TTC34: variants seen among roughly 807,000 people sequenced by gnomAD.
The protein encoded by TTC34 is tetratricopeptide repeat domain 34, also known as tetratricopeptide repeat protein 34.
In TTC34, 44 loss-of-function variants were observed where a neutral mutation model predicts 40.7. That is an observed-to-expected ratio of 1.08 (90% CI 0.85 to 1.39). The LOEUF (loss-of-function observed/expected upper bound fraction) is 1.39, where lower values mean the gene tolerates loss of function less well. Ranked by LOEUF, TTC34 falls within the 40% of genes most tolerant of loss-of-function variation. The pLI, the probability that TTC34 is intolerant of heterozygous loss-of-function variation, is 0.00. For missense variants in TTC34, 884 were observed against 838.0 expected (o/e 1.05, Z -0.68); for synonymous variants, 422 against 398.6 (o/e 1.06, Z -0.70).
chr1:2,776,155 C>A (rs1449753948), intron 6 of TTC34: 2 of 133,682 alleles, frequency 1.5e-5, no homozygotes, highest in African/African-American at 3.3e-5. Context: ...CCTGGAACAG[C>A]ACCCCACAAC....
At position 2,645,553 on chromosome 1, in the gene TTC34, T is replaced by A; in HGVS notation, c.2237A>T (p.Asp746Val). Residue 746 changes from aspartate (D) to valine (V), a missense_variant, in exon 7 of 9, where the codon GAC becomes GTC. Transcript: ENST00000401095. The surrounding 1 kb of genome is among the most constrained non-coding windows in gnomAD (Gnocchi z 4.7). The stretch of plus-strand genomic sequence containing the variant: ...GAGCTTCAGAGCAGAGACGATGTCG[T>A]CCACGGCTTCCTGCAAGGAGGGAGG... 2 of 314,054 alleles carry A rather than the reference T, an allele frequency of 6.4e-6. No individual in the cohort carries two copies. Among genetic ancestry groups the A allele is most frequent in the Non-Finnish European group, 9.4e-6 (2 of 213,398 alleles). The allele number at this position is 314,054 out of a possible 1,614,324, so 19.5% of individuals were successfully genotyped here.
chr1:2,683,523 G>C lies in TTC34; in HGVS notation c.2227-37960C>G, dbSNP rs543538100. 4.7e-5 allele frequency among the ~76,000 whole-genome samples: 7 copies of C among 149,560 alleles called. No individual in the cohort carries two copies. The East Asian group carries it at 1.2e-3, about 25-fold the overall frequency. On this transcript the variant is annotated intron_variant, in intron 6 of 8. Coordinates refer to ENST00000401095, the Ensembl canonical transcript of TTC34. ...GAACGGCACCCACACCACCAGGTGA[G>C]CATCTGATGGTCTGGAGCAGCACCC...
At chr1:2,650,722 G>A (rs1034328145) in intron 6 of TTC34, among the ~76,000 whole-genome samples, 1 of 146,310 alleles carries the variant, frequency 6.8e-6, no homozygotes, top group Admixed American at 6.8e-5. Flanking sequence ...ATGAGACTCT[G>A]ACAACGTAGA....
At chr1:2,757,637 G>T (rs1641550243) in intron 6 of TTC34, among the ~76,000 whole-genome samples, 5 of 146,780 alleles carry the variant, frequency 3.4e-5, no homozygotes, top group Middle Eastern at 3.4e-3. Flanking sequence ...ACACCCCCAG[G>T]TGAGCATCCG....
At chr1:2,749,314 A>C (rs1172291424) in intron 6 of TTC34, among the ~76,000 whole-genome samples, 8 of 43,388 alleles carry the variant, frequency 1.8e-4, no homozygotes, top group South Asian at 1.2e-3. Flanking sequence ...TCTGGAACAG[A>C]ACCCACACCC....
intron 6 of TTC34, among the ~76,000 whole-genome samples, chr1:2,660,810 C>A (rs1277050885): frequency 1.1e-5 from 1 of 90,416 alleles, no homozygotes. Flanking sequence ...GAGCATCTGA[C>A]AGCCTGGAAC....
At chr1:2,778,621 G>GT (rs1380651485) in intron 6 of TTC34, among the ~76,000 whole-genome samples, 3 of 152,236 alleles carry the variant, frequency 2.0e-5, no homozygotes, top group African/African-American at 7.2e-5. Context: ...TGGGAGCTCT[G>GT]TGGGGGGAGA....
At chr1:2,671,761 G>A (rs1639708918) in intron 6 of TTC34, among the ~76,000 whole-genome samples, 1 of 147,768 alleles carries the variant, frequency 6.8e-6, no homozygotes, top group Non-Finnish European at 1.5e-5. Flanking sequence ...CCCAAGGTGA[G>A]CATCTGACAA....
chr1:2,687,020 G>GA (rs1353218622), intron 6 of TTC34, among the ~76,000 whole-genome samples: 14 of 149,470 alleles, frequency 9.4e-5, no homozygotes, highest in Non-Finnish European at 7.4e-5. Context: ...GTGAGCATTC[G>GA]ACAGCCTGGA....
In TTC34 at chr1:2,645,426, C is replaced by G; in HGVS notation, c.2364G>C (p.Gln788His). 1 of 1,535,844 alleles carries G rather than the reference C, an allele frequency of 6.5e-7. No individual in the cohort carries two copies. The highest frequency in any genetic ancestry group is 8.7e-7 in the Non-Finnish European group (1 of 1,146,756). Residue 788 changes from glutamine to histidine, a missense_variant, in exon 7 of 9, where the codon CAG becomes CAC. By Grantham distance (24) the Gln-to-His change is conservative. Coordinates refer to ENST00000401095, the Ensembl canonical transcript of TTC34. The surrounding 1 kb of genome is among the most constrained non-coding windows in gnomAD (Gnocchi z 4.7). ...CGAGAGGGGCCCCAGTGTCTGGCAG[C>G]TGGCTCAGAAGGGCCCGGCAGTGGG... is the stretch of plus-strand genomic sequence containing the variant.
chr1:2,645,518 T>C lies in TTC34; in HGVS notation c.2272A>G (p.Thr758Ala). ...AGAGAGCGGAGCTCAGGGACCACAG[T>C]CCCGGGGCCGAGCTTCAGAGCAGAG... The change falls in exon 7 of 9, where the codon ACT becomes GCT. Residue 758 changes from threonine (T) to alanine (A), a missense_variant. Physicochemically the swap from Thr to Ala is moderately conservative, Grantham distance 58 (BLOSUM62 0). Transcript: ENST00000401095. The surrounding 1 kb of genome is among the most constrained non-coding windows in gnomAD (Gnocchi z 4.7). The C allele has an allele frequency of 8.1e-7, 1 of 1,234,092 alleles. No homozygotes were observed. The highest frequency in any genetic ancestry group is 1.0e-6 in the Non-Finnish European group (1 of 967,518). The allele number at this position is 1,234,092 out of a possible 1,614,324, so 76.4% of individuals were successfully genotyped here.
At chr1:2,692,737 ACCCTGCACCC>A (rs1640684598) in intron 6 of TTC34, among the ~76,000 whole-genome samples, 13 of 86,698 alleles carry the variant, frequency 1.5e-4, no homozygotes, top group South Asian at 4.5e-4. Flanking sequence ...CTGGAACAGC[ACCCTGCACCC>A]CCAGGTGAGC....
chr1:2,651,961 C>A (rs1362540264), intron 6 of TTC34, among the ~76,000 whole-genome samples: 2 of 151,488 alleles, frequency 1.3e-5, no homozygotes, highest in Admixed American at 1.3e-4. Context: ...CAGCACCTTC[C>A]ACCTCTAAGT....
At chr1:2,683,271 C>A (rs1398705559) in intron 6 of TTC34, among the ~76,000 whole-genome samples, 1 of 150,778 alleles carries the variant, frequency 6.6e-6, no homozygotes, top group South Asian at 2.1e-4. Context: ...GCACCCACAC[C>A]CACAGGTGAG....
rs539053826 is a variant in TTC34, at chr1:2,789,671, G to T, written c.1460C>A (p.Ala487Glu). 4.5e-4 allele frequency: 580 copies of T among 1,292,372 alleles called. 3 individuals are homozygous for T. In the African/African-American group the frequency reaches 8.6e-3, roughly 19 times the overall value. The allele number at this position is 1,292,372 out of a possible 1,614,324, so 80.1% of individuals were successfully genotyped here. The change falls in exon 3 of 9, where the codon GCG (alanine) becomes GAG (glutamate). Residue 487 changes from alanine to glutamate, a missense_variant. Ala to Glu is a moderately radical substitution (Grantham distance 107, BLOSUM62 -1). Coordinates refer to ENST00000401095, the Ensembl canonical transcript of TTC34. ...CACGTAGGCCTTGGCGGCCAGCAGC[G>T]CCTCCTCGGGCCGCAGCCTGCAGGC...
chr1:2,781,392 C>A (rs1305220637), intron 6 of TTC34, among the ~76,000 whole-genome samples: 1 of 152,190 alleles, frequency 6.6e-6, no homozygotes, highest in Non-Finnish European at 1.5e-5. Context: ...TATCCTGCTA[C>A]TTTGCTGAAT....
At chr1:2,683,558 G>A (rs1378316102) in intron 6 of TTC34, among the ~76,000 whole-genome samples, 1 of 143,934 alleles carries the variant, frequency 6.9e-6, no homozygotes, top group East Asian at 2.0e-4. Context: ...CACAACCACA[G>A]GTGAGCATCC....
At chr1:2,768,213 G>A (rs1027820537) in intron 6 of TTC34, among the ~76,000 whole-genome samples, 2 of 151,836 alleles carry the variant, frequency 1.3e-5, no homozygotes, top group African/African-American at 2.4e-5. Context: ...CCACCCCTGG[G>A]TGAGGATGCT....
intron 6 of TTC34, 25 bp downstream of exon 6, chr1:2,783,584 G>T: frequency 1.5e-6 from 2 of 1,359,788 alleles, no homozygotes; most frequent in Non-Finnish European, 1.9e-6. Context: ...GCTTGCCCAG[G>T]CCCAGGTCAG....
Sources: allele counts gnomAD v4.1 joint callset (sites outside exome capture counted in the v4.1 genomes callset), GRCh38; gene constraint gnomAD v4.1.1; non-coding constraint Gnocchi (gnomAD v3.1); transcripts MANE v1.5; gene names NCBI Gene and HGNC (gene_info 2026-07-23, HGNC 2026-07-21).